The following CA1 variants were observed in gnomAD, a reference collection of about 807,000 sequenced individuals.
CA1 encodes carbonic anhydrase 1.
A neutral mutation model predicts 28.8 loss-of-function variants in CA1; 27 were observed. The observed-to-expected ratio is 0.94, with a 90% CI of 0.69 to 1.29. The LOEUF (loss-of-function observed/expected upper bound fraction) is 1.29, where lower values mean the gene tolerates loss of function less well. Ranked by LOEUF, CA1 falls within the 50% of genes most tolerant of loss-of-function variation. The probability of loss-of-function intolerance (pLI) is 0.00; values close to 1 mark genes in which losing one functional copy is unlikely to be tolerated. For synonymous variants in CA1, 121 were observed against 108.8 expected (o/e 1.11, Z -0.70); for missense variants, 335 against 310.5 (o/e 1.08, Z -0.59).
At chr8:85,356,533 C>T (rs1021257457) in intron 1 of CA1, among the ~76,000 whole-genome samples, 7 of 152,024 alleles carry the variant, frequency 4.6e-5, no homozygotes, top group Admixed American at 4.6e-4. Flanking sequence ...TTTTAGAATA[C>T]GTTTTAATGG....
intron 2 of CA1, among the ~76,000 whole-genome samples, chr8:85,339,781 T>G (rs561920285): frequency 1.6e-4 from 24 of 152,328 alleles, no homozygotes; most frequent in Middle Eastern, 3.4e-3. Flanking sequence ...ATTGCTGATA[T>G]GGAGAAAGTT....
intron 1 of CA1, among the ~76,000 whole-genome samples, chr8:85,368,895 T>G (rs1421679304): frequency 6.6e-6 from 1 of 152,122 alleles, no homozygotes; most frequent in Non-Finnish European, 1.5e-5. Flanking sequence ...TCAGATTTTC[T>G]ACTTGAAGCA....
chr8:85,374,775 T>TTTGGCC (rs1810347865), intron 1 of CA1, among the ~76,000 whole-genome samples: 2 of 152,204 alleles, frequency 1.3e-5, no homozygotes, highest in African/African-American at 2.4e-5. Context: ...CAATATGACT[T>TTTGGCC]CTGGCCCTGC....
At chr8:85,376,658 AAAATAAATAAAT>A (rs200425469) in intron 1 of CA1, among the ~76,000 whole-genome samples, 7,347 of 140,102 alleles carry the variant, frequency 0.052, 480 homozygotes, top group African/African-American at 0.16. Context: ...AATTGTCTCA[AAAATAAATAAAT>A]AAATAAATAA....
chr8:85,357,654 G>GAA (rs1166893135), intron 1 of CA1, among the ~76,000 whole-genome samples: 2 of 152,222 alleles, frequency 1.3e-5, no homozygotes, highest in East Asian at 1.9e-4. Context: ...TTCCTAAAGG[G>GAA]AAAAGGGGCA....
intron 1 of CA1, among the ~76,000 whole-genome samples, chr8:85,364,148 C>T (rs1241255651): frequency 6.6e-6 from 1 of 151,950 alleles, no homozygotes; most frequent in African/African-American, 2.4e-5. Context: ...GCTATTAACC[C>T]CAAATTTATT....
chr8:85,344,298 A>AT (rs1564029778), intron 1 of CA1, among the ~76,000 whole-genome samples: 32 of 50,794 alleles, frequency 6.3e-4, no homozygotes, highest in African/African-American at 1.8e-3. Flanking sequence ...ACAGTATATA[A>AT]TATAATTATA....
At chr8:85,341,822 G>A (rs1047818952) in intron 1 of CA1, 163 bp from the exon 2 acceptor site, 8 of 547,448 alleles carry the variant, frequency 1.5e-5, no homozygotes, top group African/African-American at 1.3e-4. Flanking sequence ...AAAAAAAGGT[G>A]TTGTAAAAAA....
At position 85,337,007 on chromosome 8, in the gene CA1, A is replaced by G. The variant is rs1292427645; in HGVS notation, c.292T>C (p.Trp98Arg). ...GAACCATGCTCATTTGTACTGCCCC[A>G]GTGAAAATGGAACTGAAAGAGCCTG... ...SYRLFQFHFH[W>R]GSTNEHGSEH... The change falls in exon 4 of 8, where the codon TGG (tryptophan) becomes CGG (arginine). Residue 98 changes from tryptophan to arginine, a missense_variant. Physicochemically the swap from Trp to Arg is moderately radical, Grantham distance 101. Coordinates refer to ENST00000523022, the MANE Select transcript of CA1 (RefSeq NM_001128831.4). 1 of 1,613,448 alleles carries G rather than the reference A, an allele frequency of 6.2e-7. No individual in the cohort carries two copies. Among genetic ancestry groups the G allele is most frequent in the South Asian group, 1.1e-5 (1 of 91,076 alleles).
At chr8:85,374,378 C>G (rs914544422) in intron 1 of CA1, among the ~76,000 whole-genome samples, 2 of 152,222 alleles carry the variant, frequency 1.3e-5, no homozygotes, top group East Asian at 3.9e-4. Context: ...TTATTTCAAG[C>G]ATGGTTGATT....
At chr8:85,336,340 T>G (rs866136489) in intron 4 of CA1, among the ~76,000 whole-genome samples, 66 of 152,328 alleles carry the variant, frequency 4.3e-4, no homozygotes, top group African/African-American at 1.6e-3. Context: ...TCTCACATTT[T>G]AATCTCCCAG....
rs1808260544 is a variant in CA1 at position 85,328,510 on chromosome 8, C to G, written c.*50G>C. ...AAATTATTATTTTACTGGATTATGTCAGAAGCAGGGCTGTGTTCTTGAGGA... is the reference window on the plus strand; with the variant it reads ...AAATTATTATTTTACTGGATTATGTGAGAAGCAGGGCTGTGTTCTTGAGGA... On this transcript the variant is annotated 3_prime_UTR_variant, in exon 8 of 8. Coordinates refer to ENST00000523022, the MANE Select transcript of CA1 (RefSeq NM_001128831.4). 5.1e-6 allele frequency: 5 copies of G among 971,508 alleles called. No homozygotes were observed. Among genetic ancestry groups the G allele is most frequent in the Non-Finnish European group, 8.4e-6 (5 of 597,540 alleles). 60.2% of individuals were successfully genotyped at this position (971,508 alleles called of 1,614,324 possible).
intron 2 of CA1, among the ~76,000 whole-genome samples, 178 bp from the exon 3 acceptor site, chr8:85,338,627 CTTCTTTTTCTTTCT>C (rs1217500519): frequency 8.1e-6 from 1 of 123,898 alleles, no homozygotes; most frequent in East Asian, 2.3e-4. Context: ...TCTTTCTTTC[CTTCTTTTTCTTTCT>C]TTCTTTCTTT....
chr8:85,376,185 G>T (rs1014251535), intron 1 of CA1, among the ~76,000 whole-genome samples: 2 of 152,010 alleles, frequency 1.3e-5, no homozygotes, highest in South Asian at 4.1e-4. Context: ...ACAAAAATTG[G>T]CCGGGTGTGG....
intron 1 of CA1, among the ~76,000 whole-genome samples, chr8:85,350,974 T>C (rs1809389263): frequency 6.6e-6 from 1 of 152,232 alleles, no homozygotes; most frequent in South Asian, 2.1e-4. Context: ...TTGTCACTCC[T>C]GTCTCAGGCT....
intron 4 of CA1, 62 bp downstream of exon 4, chr8:85,336,883 G>T: frequency 1.0e-6 from 1 of 962,534 alleles, no homozygotes; most frequent in East Asian, 2.4e-5. Flanking sequence ...AGAAAAGAAG[G>T]GAGAAGCTGC....
chr8:85,375,442 C>G (rs1275950721), intron 1 of CA1, among the ~76,000 whole-genome samples: 1 of 150,466 alleles, frequency 6.6e-6, no homozygotes, highest in African/African-American at 2.5e-5. Context: ...ACTAGCACAT[C>G]TAATGCCATG....
chr8:85,368,103 G>T (rs1810079170), intron 1 of CA1, among the ~76,000 whole-genome samples: 1 of 151,526 alleles, frequency 6.6e-6, no homozygotes, highest in Non-Finnish European at 1.5e-5. Context: ...AGAGAGGACA[G>T]AATGTTTATG....
At chr8:85,350,502 G>A (rs1393926085) in intron 1 of CA1, among the ~76,000 whole-genome samples, 2 of 152,194 alleles carry the variant, frequency 1.3e-5, no homozygotes, top group Non-Finnish European at 2.9e-5. Context: ...CTTGGACATT[G>A]TAATAGTCCT....
Sources: gnomAD v4.1 joint callset for allele counts (sites outside exome capture counted in the v4.1 genomes callset) on GRCh38, gnomAD v4.1.1 for gene constraint, MANE v1.5 for transcripts, NCBI Gene and HGNC (gene_info 2026-07-23, HGNC 2026-07-21) for gene names.